The following MACROD2 variants were observed in gnomAD, a reference collection of about 807,000 sequenced individuals.
MACROD2 encodes mono-ADP ribosylhydrolase 2.
In MACROD2, 36 loss-of-function variants were observed where a neutral mutation model predicts 70.4. That is an observed-to-expected ratio of 0.51 (90% confidence interval 0.39 to 0.68). MACROD2 has a LOEUF of 0.68. MACROD2 is among the 30% of genes least tolerant of loss of function. The probability of loss-of-function intolerance (pLI) is 0.00; values close to 1 mark genes in which losing one functional copy is unlikely to be tolerated. For missense variants in MACROD2, 496 were observed against 538.4 expected (o/e 0.92, Z 0.78); for synonymous variants, 172 against 178.8 (o/e 0.96, Z 0.30).
At chr20:14,918,619 T>TG (rs1225439823) in intron 5 of MACROD2, among the ~76,000 whole-genome samples, 2 of 129,000 alleles carry the variant, frequency 1.6e-5, no homozygotes, top group Non-Finnish European at 3.1e-5. Flanking sequence ...TTTTTTTTGT[T>TG]TTTTTTTTTT....
chr20:14,318,612 A>G (rs1306037805), intron 3 of MACROD2, among the ~76,000 whole-genome samples: 1 of 152,228 alleles, frequency 6.6e-6, no homozygotes, highest in African/African-American at 2.4e-5. Flanking sequence ...AGAATAGAGC[A>G]AGGTTAATGT....
At chr20:14,984,368 T>C (rs1441861764) in intron 5 of MACROD2, among the ~76,000 whole-genome samples, 3 of 152,028 alleles carry the variant, frequency 2.0e-5, no homozygotes, top group Admixed American at 6.6e-5. Context: ...GGTTGGTTAA[T>C]TTTTTTTCTG....
At chr20:15,639,163 C>G (rs1429772820) in intron 8 of MACROD2, among the ~76,000 whole-genome samples, 1 of 151,982 alleles carries the variant, frequency 6.6e-6, no homozygotes, top group Admixed American at 6.6e-5. Flanking sequence ...AGGAGATCAC[C>G]CACAGCAGAG....
At chr20:15,939,417 C>T (rs894391206) in intron 12 of MACROD2, among the ~76,000 whole-genome samples, 3 of 152,144 alleles carry the variant, frequency 2.0e-5, no homozygotes, top group African/African-American at 7.2e-5. Context: ...GTCTACCCCA[C>T]CTGTGCTCTG....
At chr20:14,437,114 A>G (rs2084064858) in intron 3 of MACROD2, among the ~76,000 whole-genome samples, 1 of 152,208 alleles carries the variant, frequency 6.6e-6, no homozygotes, top group South Asian at 2.1e-4. Flanking sequence ...GCCATTAACT[A>G]TATTTTAGTG....
At chr20:14,439,677 T>A (rs190006239) in intron 3 of MACROD2, among the ~76,000 whole-genome samples, 135 of 152,294 alleles carry the variant, frequency 8.9e-4, no homozygotes, top group Non-Finnish European at 1.7e-3. Flanking sequence ...TTTTCATTTT[T>A]AAAATGAATT....
chr20:14,040,184 C>T (rs577029892), intron 2 of MACROD2, among the ~76,000 whole-genome samples: 8 of 152,070 alleles, frequency 5.3e-5, no homozygotes, highest in African/African-American at 1.7e-4. Flanking sequence ...TGTGTATTTA[C>T]CACAAACTGA....
intron 3 of MACROD2, among the ~76,000 whole-genome samples, chr20:14,090,186 T>G (rs2054128409): frequency 6.6e-6 from 1 of 152,252 alleles, no homozygotes; most frequent in Admixed American, 6.5e-5. Flanking sequence ...TGTGTGTATA[T>G]ATGTGTGTAG....
At chr20:14,929,608 T>G (rs868475155) in intron 5 of MACROD2, 8 of 152,040 alleles carry the variant, frequency 5.3e-5, no homozygotes, top group African/African-American at 1.7e-4. Flanking sequence ...TGGACTCATC[T>G]CCAACCCCTC....
At chr20:14,238,869 A>T (rs2081902575) in intron 3 of MACROD2, among the ~76,000 whole-genome samples, 1 of 152,024 alleles carries the variant, frequency 6.6e-6, no homozygotes, top group South Asian at 2.1e-4. Flanking sequence ...TCTAATAAAA[A>T]TACAAAAATT....
At chr20:14,259,562 A>C (rs981368576) in intron 3 of MACROD2, among the ~76,000 whole-genome samples, 1 of 152,200 alleles carries the variant, frequency 6.6e-6, no homozygotes, top group African/African-American at 2.4e-5. Context: ...CAGAAAGATG[A>C]GCTGTTTATG....
At chr20:15,723,460 C>G (rs1291272000) in intron 8 of MACROD2, among the ~76,000 whole-genome samples, 4 of 152,290 alleles carry the variant, frequency 2.6e-5, no homozygotes, top group African/African-American at 9.6e-5. Flanking sequence ...CCGCTCCCAA[C>G]CCACTGACGA....
chr20:15,234,580 A>G (rs988661951), intron 6 of MACROD2, among the ~76,000 whole-genome samples: 15 of 152,202 alleles, frequency 9.9e-5, no homozygotes, highest in Non-Finnish European at 1.9e-4. Flanking sequence ...GACCTGAGGA[A>G]TGCATAGTCA....
chr20:14,091,327 A>G (rs1226987926), intron 3 of MACROD2, among the ~76,000 whole-genome samples: 1 of 152,064 alleles, frequency 6.6e-6, no homozygotes, highest in East Asian at 1.9e-4. Flanking sequence ...CAGAGGCTGG[A>G]GGGGGATTGG....
chr20:16,042,390 G>A (rs2067318884), intron 16 of MACROD2, among the ~76,000 whole-genome samples: 1 of 152,006 alleles, frequency 6.6e-6, no homozygotes, highest in South Asian at 2.1e-4. Flanking sequence ...TACAAATCAT[G>A]TTCTGAGGAC....
At chr20:15,729,831 C>CTTCTTTTTTTTTT (rs2050918633) in intron 8 of MACROD2, among the ~76,000 whole-genome samples, 1 of 64,774 alleles carries the variant, frequency 1.5e-5, no homozygotes, top group South Asian at 6.4e-4. Flanking sequence ...TTGGGTCATG[C>CTTCTTTTTTTTTT]TTTTTTTTTT....
intron 12 of MACROD2, among the ~76,000 whole-genome samples, chr20:15,945,509 C>G (rs1440463857): frequency 6.6e-6 from 1 of 152,156 alleles, no homozygotes; most frequent in East Asian, 1.9e-4. Context: ...TATGCTGATG[C>G]TTTTATTTGT....
At chr20:15,175,125 G>A (rs1016039817) in intron 5 of MACROD2, among the ~76,000 whole-genome samples, 1 of 151,996 alleles carries the variant, frequency 6.6e-6, no homozygotes, top group African/African-American at 2.4e-5. Flanking sequence ...CATGTCCTTT[G>A]TAGGAACACG....
At chr20:15,468,537 CAA>C (rs2146429566) in intron 7 of MACROD2, among the ~76,000 whole-genome samples, 1 of 152,226 alleles carries the variant, frequency 6.6e-6, no homozygotes, top group East Asian at 1.9e-4. Context: ...AGCTTGTAGA[CAA>C]AGAGAGAAGC....
Sources: allele counts gnomAD v4.1 joint callset (sites outside exome capture counted in the v4.1 genomes callset), GRCh38; gene constraint gnomAD v4.1.1; transcripts MANE v1.5; gene names NCBI Gene and HGNC (gene_info 2026-07-23, HGNC 2026-07-21).